The following TSPEAR variants were observed in gnomAD, a reference collection of about 807,000 sequenced individuals.
TSPEAR encodes the protein thrombospondin type laminin G domain and EAR repeats, also known as thrombospondin-type laminin G domain and EAR repeat-containing protein.
In TSPEAR, 69 loss-of-function variants were observed where a neutral mutation model predicts 71.6. That is an observed-to-expected ratio of 0.96 (90% CI 0.79 to 1.18). TSPEAR has a LOEUF of 1.18. TSPEAR is among the 50% of genes most tolerant of loss of function. TSPEAR has a pLI of 0.00. For synonymous variants in TSPEAR, 402 were observed against 387.2 expected (o/e 1.04, Z -0.45); for missense variants, 971 against 894.9 (o/e 1.09, Z -1.09).
chr21:44,634,246 C>T (rs1204316790), intron 1 of TSPEAR, among the ~76,000 whole-genome samples: 2 of 152,136 alleles, frequency 1.3e-5, no homozygotes, highest in African/African-American at 2.4e-5. Context: ...GAGCAATACC[C>T]TGTCTCTGTT....
intron 9 of TSPEAR, among the ~76,000 whole-genome samples, chr21:44,514,948 G>A (rs1555913171): frequency 6.6e-6 from 1 of 152,140 alleles, no homozygotes; most frequent in Non-Finnish European, 1.5e-5. Flanking sequence ...TTAACCTGCA[G>A]TGCCCTGGGA....
chr21:44,629,152 G>A (rs1183964219), intron 1 of TSPEAR, among the ~76,000 whole-genome samples: 9 of 152,174 alleles, frequency 5.9e-5, no homozygotes, highest in Non-Finnish European at 1.0e-4. Context: ...CCGGGGCTGC[G>A]ATGCCGCCCA....
chr21:44,696,768 C>T (rs1248288653), intron 1 of TSPEAR, among the ~76,000 whole-genome samples: 2 of 152,212 alleles, frequency 1.3e-5, no homozygotes, highest in African/African-American at 4.8e-5. Flanking sequence ...GTGGTCCACG[C>T]AGAGGCTGGG....
intron 1 of TSPEAR, among the ~76,000 whole-genome samples, chr21:44,583,201 C>T (rs981762887): frequency 2.6e-4 from 39 of 152,048 alleles, no homozygotes; most frequent in Non-Finnish European, 5.1e-4. Context: ...AGCTGAGCTG[C>T]AGGGATTAAA....
intron 1 of TSPEAR, chr21:44,580,564 G>A (rs1555924973): frequency 6.2e-7 from 1 of 1,611,448 alleles, no homozygotes; most frequent in South Asian, 1.1e-5. Context: ...AGACGGACAT[G>A]GTGCACGCGG....
chr21:44,654,215 A>G (rs782501189), intron 1 of TSPEAR: 6 of 1,357,092 alleles, frequency 4.4e-6, no homozygotes, highest in African/African-American at 4.3e-5. Flanking sequence ...GCCTGGCAGG[A>G]GTTCAGAGAG....
chr21:44,599,172 C>CTCTA (rs1372930980), intron 1 of TSPEAR, among the ~76,000 whole-genome samples: 1 of 145,952 alleles, frequency 6.9e-6, no homozygotes, highest in African/African-American at 2.6e-5. Flanking sequence ...CTCTCTCTCT[C>CTCTA]CTTCCATCCC....
chr21:44,638,257 G>A, intron 1 of TSPEAR: 1 of 1,521,864 alleles, frequency 6.6e-7, no homozygotes, highest in Non-Finnish European at 8.8e-7. Flanking sequence ...CTCTGGCTTT[G>A]ACACCCTCAG....
Position 44,533,767 on chromosome 21 carries a change from C to G in TSPEAR, c.460G>C (p.Asp154His), listed in dbSNP as rs1555916006. The change falls in exon 3 of 12, where the codon GAT (aspartate) becomes CAT (histidine). Residue 154 changes from aspartate (D) to histidine (H), a missense_variant. Transcript: ENST00000323084. ...RVSFRSPALV[D>H]GRWHTLVLAV... ...AGGACCAGTGTGTGCCAGCGGCCATCCACCAGGGCCGGGCTGCGGAAGGAC... is the reference window on the plus strand; with the variant it reads ...AGGACCAGTGTGTGCCAGCGGCCATGCACCAGGGCCGGGCTGCGGAAGGAC... 5.6e-6 allele frequency: 9 copies of G among 1,612,396 alleles called. No homozygotes were observed. The highest frequency in any genetic ancestry group is 6.8e-6 in the Non-Finnish European group (8 of 1,179,816).
intron 2 of TSPEAR, among the ~76,000 whole-genome samples, chr21:44,559,788 A>C (rs1555920724): frequency 2.6e-5 from 4 of 152,046 alleles, no homozygotes; most frequent in African/African-American, 9.7e-5. Context: ...TCCTCACTCT[A>C]TGATCGCTAT....
chr21:44,671,844 T>G (rs1460216043), intron 1 of TSPEAR, among the ~76,000 whole-genome samples: 1 of 152,074 alleles, frequency 6.6e-6, no homozygotes, highest in Non-Finnish European at 1.5e-5. Flanking sequence ...GTGCAACAGA[T>G]TCAAATGAAA....
At chr21:44,640,289 C>T (rs888983511) in intron 1 of TSPEAR, among the ~76,000 whole-genome samples, 1 of 152,218 alleles carries the variant, frequency 6.6e-6, no homozygotes, top group Admixed American at 6.5e-5. Context: ...TGATGCTCAG[C>T]GAGTGGCCAC....
chr21:44,512,955 C>T (rs1555912913), intron 9 of TSPEAR, among the ~76,000 whole-genome samples: 3 of 152,210 alleles, frequency 2.0e-5, no homozygotes, highest in Non-Finnish European at 4.4e-5. Context: ...CTTCTGTTCC[C>T]TGTACCCAGC....
At chr21:44,554,377 C>T (rs895756991) in intron 2 of TSPEAR, among the ~76,000 whole-genome samples, 5 of 152,162 alleles carry the variant, frequency 3.3e-5, no homozygotes, top group African/African-American at 7.2e-5. Flanking sequence ...CTCCAGTCCA[C>T]GGCAATTTGT....
rs587698812 is a variant in TSPEAR at position 44,678,956 on chromosome 21, G to A, written c.82+32477C>T. Among the ~76,000 whole-genome samples, 6 of 152,258 alleles carry A rather than the reference G, an allele frequency of 3.9e-5. No homozygotes were observed. The South Asian group carries it at 8.3e-4, about 21-fold the overall frequency. On this transcript the variant is annotated intron_variant, in intron 1 of 11. Coordinates refer to ENST00000323084, the MANE Select transcript of TSPEAR (RefSeq NM_144991.3). The stretch of plus-strand genomic sequence containing the variant: ...TCTGGGAAGGCCTCTAAAATTTCCA[G>A]TTTATCTACTGTTCCTTGTATAAGA...
chr21:44,681,435 C>T (rs575309694), intron 1 of TSPEAR: 62 of 170,556 alleles, frequency 3.6e-4, no homozygotes, highest in Admixed American at 7.2e-4. Context: ...TCTGCAGCCG[C>T]GCCCTCCACC....
In TSPEAR at chr21:44,522,027, G is replaced by A. The variant is rs375066240; in HGVS notation, c.1422C>T (p.Ser474=). 3.4e-5 allele frequency: 55 copies of A among 1,614,068 alleles called. 1 individual carries two copies. The Middle Eastern group carries it at 2.0e-3, about 58-fold the overall frequency. Reference sequence around the variant, plus strand: ...TGAAGAACTCCCAGTCGTAGGCGCCGGAGGTGGCGATGGTCTGGTTGGCCT... The same window carrying A: ...TGAAGAACTCCCAGTCGTAGGCGCCAGAGGTGGCGATGGTCTGGTTGGCCT... The part of the protein sequence containing the change: ...LFEANQTIAT[S]GAYDWEFFSV... The change falls in exon 9 of 12, where the codon TCC becomes TCT. Residue 474 remains serine (S), a synonymous_variant. Coordinates refer to ENST00000323084, the MANE Select transcript of TSPEAR (RefSeq NM_144991.3).
intron 1 of TSPEAR, chr21:44,628,133 A>G: frequency 6.6e-7 from 1 of 1,504,688 alleles, no homozygotes; most frequent in Non-Finnish European, 9.0e-7. Context: ...CAGCCTCAGC[A>G]CAGCTCAACA....
At chr21:44,670,339 A>C (rs11700616) in intron 1 of TSPEAR, among the ~76,000 whole-genome samples, 72,392 of 151,678 alleles carry the variant, frequency 0.48, 17,308 homozygotes, top group South Asian at 0.56. Context: ...GGCACCTGAC[A>C]CTTGCCTCTT....
Sources: allele counts gnomAD v4.1 joint callset (sites outside exome capture counted in the v4.1 genomes callset), GRCh38; gene constraint gnomAD v4.1.1; transcripts MANE v1.5; gene names NCBI Gene and HGNC (gene_info 2026-07-23, HGNC 2026-07-21).